KATNIP: variants seen among roughly 807,000 people sequenced by gnomAD.
KATNIP encodes katanin-interacting protein.
In KATNIP, 126 loss-of-function variants were observed where a neutral mutation model predicts 174.0. That is an observed-to-expected ratio of 0.72 (90% CI 0.63 to 0.84). The LOEUF is 0.84. Ranked by LOEUF, KATNIP falls within the 40% of genes least tolerant of loss-of-function variation. The pLI is 0.00. For missense variants in KATNIP, 1,958 were observed against 2,109.7 expected (o/e 0.93, Z 1.41); for synonymous variants, 810 against 835.7 (o/e 0.97, Z 0.53).
In KATNIP at chr16:27,698,803, T is replaced by C. The variant is rs12925331; in HGVS notation, c.1113+303T>C. Among the ~76,000 whole-genome samples, 27,496 of 152,230 alleles carry C rather than the reference T, an allele frequency of 0.18. 2,792 individuals carry two copies. Among genetic ancestry groups the C allele is most frequent in the African/African-American group, 0.28 (11,500 of 41,504 alleles). On this transcript the variant is annotated intron_variant, in intron 9 of 27. Coordinates refer to ENST00000261588, the MANE Select transcript of KATNIP (RefSeq NM_015202.5). Reference sequence around the variant, plus strand: ...ACCTTAGACCAGGGTTGCAAACTGGTGGGTCAGTGAAGAATGGAGTCAACA... The same window carrying C: ...ACCTTAGACCAGGGTTGCAAACTGGCGGGTCAGTGAAGAATGGAGTCAACA...
At chr16:27,659,777 G>C (rs759125047) in intron 6 of KATNIP, among the ~76,000 whole-genome samples, 1 of 152,158 alleles carries the variant, frequency 6.6e-6, no homozygotes, top group Non-Finnish European at 1.5e-5. Context: ...TGAGGAATGG[G>C]AGGGAGTGTG....
rs1349684356 is a variant in KATNIP, at chr16:27,591,157, A to G, written c.63+17201A>G. 2.6e-5 allele frequency among the ~76,000 whole-genome samples: 4 copies of G among 152,126 alleles called. No individual in the cohort carries two copies. The East Asian group carries it at 5.8e-4, about 22-fold the overall frequency. On this transcript the variant is annotated intron_variant, in intron 2 of 27. Coordinates refer to ENST00000261588, the MANE Select transcript of KATNIP (RefSeq NM_015202.5). The stretch of plus-strand genomic sequence containing the variant: ...ATATTCCAGTTTTGAACTGATCAGT[A>G]TAGAATATAGGAATGGAGTTGCACT...
rs544277225 is a variant in KATNIP at position 27,737,228 on chromosome 16, T to C, written c.1744-2813T>C. Among the ~76,000 whole-genome samples, 5 of 152,134 alleles carry C rather than the reference T, an allele frequency of 3.3e-5. No homozygotes were observed. In the East Asian group the frequency reaches 9.7e-4, roughly 29 times the overall value. On this transcript the variant is annotated intron_variant, in intron 14 of 27. Coordinates refer to ENST00000261588, the MANE Select transcript of KATNIP (RefSeq NM_015202.5). ...CCCCGTCTCTACAAAAAAAAATTTA[T>C]TTTAATTAGCTGGTCGTGGTGACGT...
intron 13 of KATNIP, among the ~76,000 whole-genome samples, chr16:27,717,724 T>C (rs1315698029): frequency 6.6e-6 from 1 of 152,212 alleles, no homozygotes; most frequent in African/African-American, 2.4e-5. Context: ...CTTTTCTGAA[T>C]GGCAGCACTG....
At chr16:27,726,587 T>C (rs1360573994) in intron 14 of KATNIP, among the ~76,000 whole-genome samples, 4 of 152,188 alleles carry the variant, frequency 2.6e-5, no homozygotes, top group Non-Finnish European at 4.4e-5. Flanking sequence ...CTGTCCCCTC[T>C]GTTGGGGAAG....
At chr16:27,638,589 C>T (rs2076704194) in intron 5 of KATNIP, among the ~76,000 whole-genome samples, 1 of 152,154 alleles carries the variant, frequency 6.6e-6, no homozygotes, top group South Asian at 2.1e-4. Flanking sequence ...GCTGCTCCAC[C>T]AAGAGAGGGA....
chr16:27,677,965 C>T lies in KATNIP; in HGVS notation c.777C>T (p.Leu259=), dbSNP rs142732311. 11 of 1,614,156 alleles carry T rather than the reference C, an allele frequency of 6.8e-6. No individual in the cohort carries two copies. The highest frequency in any genetic ancestry group is 1.6e-4 in the Middle Eastern group (1 of 6,062). ...EGRSSPGPDT[L]VVLEFNPASK... Reference sequence around the variant, plus strand: ...GCTCTTCTCCAGGCCCAGACACCCTCGTGGTGCTGGAATTTAACCCAGCTT... The same window carrying T: ...GCTCTTCTCCAGGCCCAGACACCCTTGTGGTGCTGGAATTTAACCCAGCTT... Residue 259 remains leucine, a synonymous_variant, in exon 7 of 28, where the codon CTC becomes CTT. Coordinates refer to ENST00000261588, the MANE Select transcript of KATNIP (RefSeq NM_015202.5).
At position 27,721,651 on chromosome 16, in the gene KATNIP, C is replaced by T. The variant is rs772987635; in HGVS notation, c.1699C>T (p.His567Tyr). Residue 567 changes from histidine (H) to tyrosine (Y), a missense_variant, in exon 14 of 28, where the codon CAT becomes TAT. Transcript: ENST00000261588. ...AAACACAAGACAGCTGGGGGACTTC[C>T]ATCTGGCCAAGATCAAGGTTCGGAA... Reference protein sequence around the residue: ...IRNTRQLGDFHLAKIKVRNYW... With the variant: ...IRNTRQLGDFYLAKIKVRNYW... 6.2e-7 allele frequency: 1 copy of T among 1,614,192 alleles called. No homozygotes were observed. The highest frequency in any genetic ancestry group is 1.1e-5 in the South Asian group (1 of 91,088).
chr16:27,658,967 A>G (rs974630177), intron 6 of KATNIP, among the ~76,000 whole-genome samples: 5 of 150,382 alleles, frequency 3.3e-5, no homozygotes, highest in African/African-American at 9.8e-5. Context: ...GGGTTTCACC[A>G]TGTTGGCCAG....
intron 1 of KATNIP, among the ~76,000 whole-genome samples, chr16:27,567,012 G>C (rs2090118243): frequency 6.6e-6 from 1 of 152,144 alleles, no homozygotes; most frequent in African/African-American, 2.4e-5. Context: ...GGAACTGTTG[G>C]TTCAATTTCC....
In KATNIP at chr16:27,642,763, T is replaced by TA. The variant is rs201059771; in HGVS notation, c.409-5835dup. ...GCTGGACACATTGTTTTTTAATTTT[T>TA]AAAAAATTTTTTTTTTTTTTTTTTT... On this transcript the variant is annotated intron_variant, in intron 5 of 27. Transcript: ENST00000261588. Among the ~76,000 whole-genome samples, 176 of 140,656 alleles carry TA rather than the reference T, an allele frequency of 1.3e-3. 2 individuals are homozygous for TA. The highest frequency in any genetic ancestry group is 3.4e-3 in the African/African-American group (133 of 39,508). 92.3% of individuals were successfully genotyped at this position (140,656 alleles called of 152,430 possible).
intron 6 of KATNIP, among the ~76,000 whole-genome samples, chr16:27,653,207 G>A (rs2077169960): frequency 6.6e-6 from 1 of 152,172 alleles, no homozygotes; most frequent in African/African-American, 2.4e-5. Flanking sequence ...CCCAAGTTTA[G>A]TTACCTCTGA....
chr16:27,694,515 G>A (rs2078846890), intron 8 of KATNIP, among the ~76,000 whole-genome samples: 1 of 152,082 alleles, frequency 6.6e-6, no homozygotes, highest in Admixed American at 6.5e-5. Flanking sequence ...ACATCTCCAG[G>A]CCAGGCACGG....
chr16:27,594,471 A>G (rs1424304303), intron 2 of KATNIP, among the ~76,000 whole-genome samples: 2 of 151,968 alleles, frequency 1.3e-5, no homozygotes, highest in African/African-American at 2.4e-5. Flanking sequence ...GGGCTCTGAG[A>G]TTCCTGGTCG....
chr16:27,627,585 C>A (rs891147886), intron 3 of KATNIP, among the ~76,000 whole-genome samples: 11 of 152,216 alleles, frequency 7.2e-5, no homozygotes, highest in African/African-American at 2.7e-4. Context: ...GTTCCAAATT[C>A]TCTAATTCAG....
At chr16:27,612,408 T>C (rs1233564146) in intron 2 of KATNIP, among the ~76,000 whole-genome samples, 1 of 152,124 alleles carries the variant, frequency 6.6e-6, no homozygotes, top group Non-Finnish European at 1.5e-5. Context: ...TTGGCTAGTC[T>C]AGGGCCTTGC....
chr16:27,671,192 CAAAAAT>C (rs760151378), intron 6 of KATNIP, among the ~76,000 whole-genome samples: 24 of 152,144 alleles, frequency 1.6e-4, no homozygotes, highest in African/African-American at 3.9e-4. Context: ...GACTCCATCT[CAAAAAT>C]AAAAATAAAA....
chr16:27,579,537 G>A (rs1389692191), intron 2 of KATNIP, among the ~76,000 whole-genome samples: 1 of 152,226 alleles, frequency 6.6e-6, no homozygotes, highest in East Asian at 1.9e-4. Flanking sequence ...CAAGGAGAAG[G>A]CAGCACAATT....
chr16:27,642,536 G>A (rs73535025), intron 5 of KATNIP, among the ~76,000 whole-genome samples: 16 of 152,160 alleles, frequency 1.1e-4, no homozygotes, highest in African/African-American at 3.4e-4. Flanking sequence ...AGGAATCTCC[G>A]GGCCTGGAAA....
Sources: allele counts gnomAD v4.1 joint callset (sites outside exome capture counted in the v4.1 genomes callset), GRCh38; gene constraint gnomAD v4.1.1; transcripts MANE v1.5; gene names NCBI Gene and HGNC (gene_info 2026-07-23, HGNC 2026-07-21).